Variants in RBFOX3 observed in about 807,000 individuals in gnomAD.
RBFOX3 encodes RNA binding fox-1 homolog 3.
In RBFOX3, 17 loss-of-function variants were observed where a neutral mutation model predicts 48.7. The ratio of observed to expected loss-of-function variants is 0.35; its 90% CI spans 0.24 to 0.52. RBFOX3 has a LOEUF of 0.52. Among genes scored for constraint, RBFOX3 ranks in the 20% least tolerant of loss-of-function variants. The pLI, the probability that RBFOX3 is intolerant of heterozygous loss-of-function variation, is 0.94. For synonymous variants in RBFOX3, 212 were observed against 209.5 expected, an observed-to-expected ratio of 1.01 and a Z score of -0.10; for missense variants, 382 against 497.5, an observed-to-expected ratio of 0.77 and a Z score of 2.21.
At position 79,536,696 on chromosome 17, in the gene RBFOX3, G is replaced by A. The variant is rs540110927; in HGVS notation, c.-319-54098C>T. On this transcript the variant is annotated intron_variant, in intron 1 of 14. Transcript: ENST00000693108. The stretch of plus-strand genomic sequence containing the variant: ...TGCAGAGTCCCACACTGTATCATCC[G>A]TCCTCTAACAGAGGCAGGACAGTGA... Among the ~76,000 whole-genome samples, 33 of 152,374 alleles carry A rather than the reference G, an allele frequency of 2.2e-4. No homozygotes were observed. The South Asian group carries it at 5.2e-3, about 24-fold the overall frequency.
intron 2 of RBFOX3, among the ~76,000 whole-genome samples, chr17:79,314,169 G>A (rs568799322): frequency 6.6e-6 from 1 of 152,178 alleles, no homozygotes; most frequent in Non-Finnish European, 1.5e-5. Flanking sequence ...TTACTAAAAG[G>A]GCTTTACGTT....
chr17:79,621,243 C>T, the RBFOX3 span, among the ~76,000 whole-genome samples: 1 of 152,258 alleles, frequency 6.6e-6, no homozygotes, highest in Non-Finnish European at 1.5e-5. Flanking sequence ...AGGTGATCCG[C>T]CCGCCTCGGC....
At chr17:79,178,773 C>T (rs534810038) in intron 4 of RBFOX3, among the ~76,000 whole-genome samples, 1 of 152,294 alleles carries the variant, frequency 6.6e-6, no homozygotes, top group Admixed American at 6.5e-5. Flanking sequence ...CCCAATCATT[C>T]CCAGGGAGTG....
At chr17:79,559,332 T>G (rs994357952) in intron 1 of RBFOX3, among the ~76,000 whole-genome samples, 5 of 148,862 alleles carry the variant, frequency 3.4e-5, no homozygotes, top group Non-Finnish European at 6.0e-5. Flanking sequence ...TGAGTGGCAG[T>G]TGAGGTGGAT....
intron 1 of RBFOX3, among the ~76,000 whole-genome samples, chr17:79,509,361 CT>C (rs2083727702): frequency 6.6e-6 from 1 of 152,092 alleles, no homozygotes; most frequent in Admixed American, 6.5e-5. Flanking sequence ...CCCACACCCC[CT>C]CCAGCCCCAG....
At chr17:79,574,366 T>G (rs1370044065) in intron 1 of RBFOX3, among the ~76,000 whole-genome samples, 1 of 152,154 alleles carries the variant, frequency 6.6e-6, no homozygotes, top group African/African-American at 2.4e-5. Context: ...CAGGATGCAG[T>G]AAAGAAGCCG....
intron 2 of RBFOX3, among the ~76,000 whole-genome samples, chr17:79,351,243 G>A (rs911422731): frequency 4.6e-4 from 70 of 152,322 alleles, no homozygotes; most frequent in African/African-American, 1.6e-3. Context: ...TCTCTGAGTC[G>A]CTGTGTTCAA....
rs925552658 is a variant in RBFOX3, at chr17:79,282,591, C to T, written c.-74+25133G>A. On this transcript the variant is annotated intron_variant, in intron 3 of 14. Coordinates refer to ENST00000693108, the MANE Select transcript of RBFOX3 (RefSeq NM_001350451.2). The stretch of plus-strand genomic sequence containing the variant: ...GGTGTGGGGTGGGCAGGGAGGGTCA[C>T]TGCACGGGGATGTGGCTGCAGGGCC... Among the ~76,000 whole-genome samples, 5 of 152,306 alleles carry T rather than the reference C, an allele frequency of 3.3e-5. No homozygotes were observed. In the East Asian group the frequency reaches 9.7e-4, roughly 29 times the overall value.
the RBFOX3 span, among the ~76,000 whole-genome samples, chr17:79,646,279 G>C: frequency 2.6e-4 from 39 of 152,320 alleles, no homozygotes; most frequent in African/African-American, 8.7e-4. Flanking sequence ...TTCAGAAACA[G>C]ATGGTACAAT....
At chr17:79,131,213 C>G (rs1210088002) in intron 4 of RBFOX3, among the ~76,000 whole-genome samples, 2 of 151,986 alleles carry the variant, frequency 1.3e-5, no homozygotes, top group Non-Finnish European at 2.9e-5. Context: ...GTTCTGTGCA[C>G]TGTGTGTGCC....
chr17:79,653,381 T>G, the RBFOX3 span, among the ~76,000 whole-genome samples: 1 of 152,190 alleles, frequency 6.6e-6, no homozygotes, highest in African/African-American at 2.4e-5. Flanking sequence ...AAAAGGCATG[T>G]TGGAAGGTGT....
chr17:79,483,633 G>C (rs1197029508), intron 1 of RBFOX3, among the ~76,000 whole-genome samples: 1 of 151,206 alleles, frequency 6.6e-6, no homozygotes, highest in African/African-American at 2.4e-5. Context: ...GGATGTGCTG[G>C]ATCCCGCCAT....
chr17:79,177,981 G>A lies in RBFOX3; in HGVS notation c.-34+57785C>T, dbSNP rs117946696. 6.2e-3 allele frequency among the ~76,000 whole-genome samples: 944 copies of A among 152,282 alleles called. 3 individuals are homozygous for A. Among genetic ancestry groups the A allele is most frequent in the Non-Finnish European group, 9.9e-3 (673 of 68,016 alleles). On this transcript the variant is annotated intron_variant, in intron 4 of 14. Transcript: ENST00000693108. ...CGGCCCCCAGGGAAGTTGGAGGTCC[G>A]AGGCTGCTGGCTGCGCACAGCCCAC...
chr17:79,365,594 G>A (rs1471680477), intron 2 of RBFOX3, among the ~76,000 whole-genome samples: 2 of 152,204 alleles, frequency 1.3e-5, no homozygotes, highest in African/African-American at 2.4e-5. Context: ...CCGGCGCGGC[G>A]GCAGGTGAAA....
At chr17:79,171,025 G>A (rs967531208) in intron 4 of RBFOX3, among the ~76,000 whole-genome samples, 9 of 152,182 alleles carry the variant, frequency 5.9e-5, no homozygotes, top group African/African-American at 1.2e-4. Flanking sequence ...CTAGGTCTCC[G>A]GTGGAGATAA....
intron 4 of RBFOX3, among the ~76,000 whole-genome samples, chr17:79,174,495 C>T (rs940320646): frequency 6.6e-6 from 1 of 151,818 alleles, no homozygotes; most frequent in Non-Finnish European, 1.5e-5. Context: ...CATACTGACA[C>T]ATGTCCACAA....
At chr17:79,623,499 G>A in the RBFOX3 span, among the ~76,000 whole-genome samples, 8 of 152,224 alleles carry the variant, frequency 5.3e-5, no homozygotes, top group East Asian at 3.9e-4. Context: ...GTGGCCCAAC[G>A]TAACCACAGG....
chr17:79,107,371 C>G (rs2077579217), intron 5 of RBFOX3, among the ~76,000 whole-genome samples: 1 of 152,208 alleles, frequency 6.6e-6, no homozygotes, highest in South Asian at 2.1e-4. Context: ...CAGGGCGTGG[C>G]CAAGTCCAGT....
chr17:79,435,811 C>T (rs1447445437), intron 2 of RBFOX3, among the ~76,000 whole-genome samples: 5 of 152,330 alleles, frequency 3.3e-5, no homozygotes, highest in Admixed American at 2.6e-4. Context: ...TTCCAGTCCC[C>T]GATGTCTCCC....
Sources: allele counts gnomAD v4.1 joint callset (sites outside exome capture counted in the v4.1 genomes callset), GRCh38; gene constraint gnomAD v4.1.1; transcripts MANE v1.5; gene names NCBI Gene and HGNC (gene_info 2026-07-23, HGNC 2026-07-21).